RERG: variants seen among roughly 807,000 people sequenced by gnomAD.
RERG encodes RAS like estrogen regulated growth inhibitor.
Under a neutral mutation model 23.2 loss-of-function variants are expected in RERG, and 25 were observed. That is an observed-to-expected ratio of 1.08 (90% CI 0.79 to 1.50). The LOEUF is 1.50. RERG is among the 40% of genes most tolerant of loss of function. RERG has a pLI of 0.00. For missense variants in RERG, 253 were observed against 250.1 expected (o/e 1.01, Z -0.08); for synonymous variants, 81 against 89.1 (o/e 0.91, Z 0.51).
intron 2 of RERG, among the ~76,000 whole-genome samples, chr12:15,169,857 A>G (rs1476787195): frequency 1.3e-5 from 2 of 152,102 alleles, no homozygotes; most frequent in Non-Finnish European, 2.9e-5. Context: ...GTGGGGACAC[A>G]TTAACAGAAG....
chr12:15,172,237 G>A (rs1001565037), intron 2 of RERG, among the ~76,000 whole-genome samples: 2 of 151,970 alleles, frequency 1.3e-5, no homozygotes, highest in African/African-American at 4.8e-5. Context: ...TACAATATGT[G>A]GTCTTTTATG....
At chr12:15,143,603 A>G (rs1864278425) in intron 2 of RERG, among the ~76,000 whole-genome samples, 1 of 152,174 alleles carries the variant, frequency 6.6e-6, no homozygotes, top group Non-Finnish European at 1.5e-5. Context: ...ATATTGATTG[A>G]GCAGCTACAA....
chr12:15,166,069 G>T lies in RERG; in HGVS notation c.62-44950C>A, dbSNP rs189554259. Among the ~76,000 whole-genome samples the T allele has an allele frequency of 8.8e-4, 134 of 152,270 alleles. 1 individual carries two copies. The highest frequency in any genetic ancestry group is 3.0e-3 in the African/African-American group (124 of 41,550). On this transcript the variant is annotated intron_variant, in intron 2 of 4. Transcript: ENST00000256953. ...AAACCCTCATTTCCATATGCACAGG[G>T]TAAAAGACTTAACTCCATGAGAACC...
intron 1 of RERG, among the ~76,000 whole-genome samples, chr12:15,219,727 T>G (rs187467706): frequency 6.6e-6 from 1 of 152,208 alleles, no homozygotes; most frequent in Non-Finnish European, 1.5e-5. Context: ...CTGCAGCTAG[T>G]ATAAACAATA....
chr12:15,196,279 T>C (rs1386586327), intron 2 of RERG, among the ~76,000 whole-genome samples: 1 of 152,120 alleles, frequency 6.6e-6, no homozygotes, highest in East Asian at 1.9e-4. Flanking sequence ...TGCAGCTCTA[T>C]GGAAAAGGAA....
chr12:15,159,370 C>T (rs1322039482), intron 2 of RERG, among the ~76,000 whole-genome samples: 6 of 152,010 alleles, frequency 3.9e-5, no homozygotes, highest in Non-Finnish European at 7.4e-5. Context: ...ATACCTTTTT[C>T]GTTCTCACAT....
At chr12:15,198,138 T>C (rs1865169537) in intron 2 of RERG, among the ~76,000 whole-genome samples, 1 of 152,144 alleles carries the variant, frequency 6.6e-6, no homozygotes, top group Non-Finnish European at 1.5e-5. Context: ...TTTCTCTCCA[T>C]TTTCCTATCT....
At position 15,217,604 on chromosome 12, in the gene RERG, C is replaced by A. The variant is rs1865461090; in HGVS notation, c.-114-1G>T. The A allele has an allele frequency of 1.3e-6, 1 of 748,844 alleles. No homozygotes were observed. Among genetic ancestry groups the A allele is most frequent in the South Asian group, 1.6e-5 (1 of 62,068 alleles). The allele number at this position is 748,844 out of a possible 1,614,324, so 46.4% of individuals were successfully genotyped here. A position where few individuals can be genotyped will look rare whatever the true frequency, so the allele number is the denominator to read the frequency against. On this transcript the variant is annotated splice_acceptor_variant, in intron 1 of 4. Transcript: ENST00000256953. LOFTEE classifies it low-confidence loss of function (5UTR_SPLICE). ...GTGAATCTTGGAAGAGTCCACAATC[C>A]TTAAACAAAAGAAATTTGGGAATTC...
At chr12:15,220,877 T>C (rs1865503327) in intron 1 of RERG, among the ~76,000 whole-genome samples, 1 of 152,234 alleles carries the variant, frequency 6.6e-6, no homozygotes, top group Admixed American at 6.5e-5. Context: ...GCCCCTTGGC[T>C]ATTTAATGTT....
chr12:15,126,724 CTTT>C (rs71042228), intron 2 of RERG, among the ~76,000 whole-genome samples: 7 of 132,448 alleles, frequency 5.3e-5, no homozygotes, highest in South Asian at 2.4e-4. Flanking sequence ...CTTTTTCTTT[CTTT>C]TTTTTTTTTT....
intron 2 of RERG, among the ~76,000 whole-genome samples, chr12:15,136,969 C>T (rs1864154063): frequency 6.6e-6 from 1 of 151,898 alleles, no homozygotes; most frequent in Non-Finnish European, 1.5e-5. Flanking sequence ...TTTCTACCTG[C>T]TGGATCTCTC....
chr12:15,217,160 G>T (rs1164257864), intron 2 of RERG: 2 of 363,076 alleles, frequency 5.5e-6, no homozygotes, highest in Non-Finnish European at 9.9e-6. Flanking sequence ...TTTCTTTGGA[G>T]GTTGTTAAAA....
intron 2 of RERG, among the ~76,000 whole-genome samples, chr12:15,156,664 C>G (rs1262133391): frequency 6.6e-6 from 1 of 152,098 alleles, no homozygotes; most frequent in African/African-American, 2.4e-5. Context: ...TCTTTCTAAA[C>G]AAGAATGTGC....
At chr12:15,180,180 C>T (rs535056355) in intron 2 of RERG, among the ~76,000 whole-genome samples, 6 of 152,236 alleles carry the variant, frequency 3.9e-5, no homozygotes, top group African/African-American at 1.4e-4. Context: ...AAGAATATGA[C>T]TCCATAAGCA....
Position 15,111,327 on chromosome 12 carries a change from C to T in RERG, c.192+17G>A. 2 of 1,574,704 alleles carry T rather than the reference C, an allele frequency of 1.3e-6. No individual in the cohort carries two copies. The highest frequency in any genetic ancestry group is 2.3e-5 in the East Asian group (1 of 44,240). Reference sequence around the variant, plus strand: ...TATTTGATCCAGAAAAATATTTTAGCTGAACTCTTTATTCACCTGACCAGC... The same window carrying T: ...TATTTGATCCAGAAAAATATTTTAGTTGAACTCTTTATTCACCTGACCAGC... On this transcript the variant is annotated intron_variant, in intron 4 of 4. Coordinates refer to ENST00000256953, the MANE Select transcript of RERG (RefSeq NM_032918.3).
chr12:15,213,763 T>A lies in RERG; in HGVS notation c.61+3666A>T, dbSNP rs539062782. On this transcript the variant is annotated intron_variant, in intron 2 of 4. Coordinates refer to ENST00000256953, the MANE Select transcript of RERG (RefSeq NM_032918.3). ...GAAAAAGTTCTGGTAAATGTTAAATTCTGTTTTAAATATAGACGGCCTATC... is the reference window on the plus strand; with the variant it reads ...GAAAAAGTTCTGGTAAATGTTAAATACTGTTTTAAATATAGACGGCCTATC... Among the ~76,000 whole-genome samples, 4 of 152,296 alleles carry A rather than the reference T, an allele frequency of 2.6e-5. 1 individual carries two copies. The highest frequency in any genetic ancestry group is 9.6e-5 in the African/African-American group (4 of 41,558).
intron 2 of RERG, among the ~76,000 whole-genome samples, chr12:15,193,971 T>G (rs1865107648): frequency 1.3e-5 from 2 of 152,076 alleles, no homozygotes; most frequent in Admixed American, 1.3e-4. Flanking sequence ...ATTCTTACTT[T>G]CCCATCCCTC....
At chr12:15,158,062 A>G (rs762604888) in intron 2 of RERG, among the ~76,000 whole-genome samples, 1 of 152,164 alleles carries the variant, frequency 6.6e-6, no homozygotes, top group Non-Finnish European at 1.5e-5. Flanking sequence ...TACATTTTGT[A>G]GGATAACAAA....
At chr12:15,161,440 A>G (rs1236767458) in intron 2 of RERG, among the ~76,000 whole-genome samples, 1 of 152,196 alleles carries the variant, frequency 6.6e-6, no homozygotes, top group Non-Finnish European at 1.5e-5. Flanking sequence ...TGTACAGTGC[A>G]CAGACCTGTT....
Sources: gnomAD v4.1 joint callset for allele counts (sites outside exome capture counted in the v4.1 genomes callset) on GRCh38, gnomAD v4.1.1 for gene constraint, MANE v1.5 for transcripts, NCBI Gene and HGNC (gene_info 2026-07-23, HGNC 2026-07-21) for gene names.